The following PHLDB2 variants were observed in gnomAD, a reference collection of about 807,000 sequenced individuals.
The protein encoded by PHLDB2 is pleckstrin homology like domain family B member 2.
In PHLDB2, 71 loss-of-function variants were observed where a neutral mutation model predicts 123.6. The observed-to-expected ratio is 0.57, with a 90% CI of 0.47 to 0.70. The LOEUF (loss-of-function observed/expected upper bound fraction) is 0.70, where lower values mean the gene tolerates loss of function less well. Among genes scored for constraint, PHLDB2 ranks in the 30% least tolerant of loss-of-function variants. The pLI, the probability that PHLDB2 is intolerant of heterozygous loss-of-function variation, is 0.00. For missense variants in PHLDB2, 1,446 were observed against 1,519.5 expected, an observed-to-expected ratio of 0.95 and a Z score of 0.80; for synonymous variants, 547 against 541.6, an observed-to-expected ratio of 1.01 and a Z score of -0.14.
chr3:111,806,842 G>A (rs1315944854), intron 1 of PHLDB2, among the ~76,000 whole-genome samples: 2 of 151,248 alleles, frequency 1.3e-5, no homozygotes, highest in South Asian at 2.1e-4. Flanking sequence ...GTGTTGTCCA[G>A]GCTGGTCTTG....
At chr3:111,937,048 T>C (rs1326454817) in intron 6 of PHLDB2, among the ~76,000 whole-genome samples, 2 of 152,242 alleles carry the variant, frequency 1.3e-5, no homozygotes, top group Non-Finnish European at 2.9e-5. Context: ...ATTGAGCACA[T>C]ATTTTTTTGG....
chr3:111,971,713 A>G (rs1290568155), intron 16 of PHLDB2, among the ~76,000 whole-genome samples: 1 of 152,120 alleles, frequency 6.6e-6, no homozygotes, highest in Admixed American at 6.6e-5. Flanking sequence ...ATCGCAATTT[A>G]CGCTGTACTT....
At chr3:111,957,163 A>T (rs1387624628) in intron 12 of PHLDB2, 2 of 152,632 alleles carry the variant, frequency 1.3e-5, no homozygotes, top group Non-Finnish European at 2.9e-5. Context: ...GCTTTTGAAC[A>T]ACTTGTGAAC....
At chr3:111,817,020 C>G (rs1398978286) in intron 1 of PHLDB2, among the ~76,000 whole-genome samples, 5 of 152,208 alleles carry the variant, frequency 3.3e-5, no homozygotes, top group African/African-American at 1.2e-4. Context: ...CCATGCAAGA[C>G]ATGACATGCT....
chr3:111,815,303 G>C (rs7634323), intron 1 of PHLDB2, among the ~76,000 whole-genome samples: 49,934 of 152,020 alleles, frequency 0.33, 8,583 homozygotes, highest in East Asian at 0.42. Context: ...ATGGAAGTGA[G>C]TTTGGAATTG....
chr3:111,930,252 A>T (rs1426008091), intron 5 of PHLDB2, among the ~76,000 whole-genome samples: 1 of 152,020 alleles, frequency 6.6e-6, no homozygotes, highest in Admixed American at 6.6e-5. Flanking sequence ...CAAACATTTG[A>T]GAGCATCAGG....
intron 1 of PHLDB2, among the ~76,000 whole-genome samples, chr3:111,759,859 T>C (rs2059964192): frequency 1.3e-5 from 2 of 152,236 alleles, no homozygotes; most frequent in Admixed American, 1.3e-4. Context: ...TAGGCTATAA[T>C]TGGGTGACAA....
chr3:111,954,079 T>C, intron 12 of PHLDB2, 50 bp downstream of exon 12: 1 of 1,530,908 alleles, frequency 6.5e-7, no homozygotes, highest in South Asian at 1.2e-5. Flanking sequence ...AGCATTAGAA[T>C]TCTTCAGGGG....
chr3:111,832,403 A>G (rs1018199954), intron 1 of PHLDB2, among the ~76,000 whole-genome samples: 1 of 151,566 alleles, frequency 6.6e-6, no homozygotes, highest in Non-Finnish European at 1.5e-5. Context: ...AAAAACAAAA[A>G]GATAAATTGT....
chr3:111,936,802 T>C (rs1292984223), intron 6 of PHLDB2, among the ~76,000 whole-genome samples: 1 of 152,206 alleles, frequency 6.6e-6, no homozygotes, highest in African/African-American at 2.4e-5. Context: ...TTATTCCTTT[T>C]TTTTAAATCT....
intron 1 of PHLDB2, among the ~76,000 whole-genome samples, chr3:111,777,606 AT>A (rs1313018737): frequency 6.6e-6 from 1 of 152,076 alleles, no homozygotes; most frequent in Non-Finnish European, 1.5e-5. Flanking sequence ...TTCTGTGTTC[AT>A]CTTTATGTGA....
intron 11 of PHLDB2, among the ~76,000 whole-genome samples, chr3:111,953,220 T>C (rs1173270984): frequency 2.6e-5 from 4 of 152,174 alleles, no homozygotes; most frequent in Non-Finnish European, 5.9e-5. Context: ...AGCCCTCAGC[T>C]GGTATGTAGT....
intron 1 of PHLDB2, among the ~76,000 whole-genome samples, chr3:111,748,620 C>T (rs921905302): frequency 3.3e-5 from 5 of 152,036 alleles, no homozygotes; most frequent in African/African-American, 2.4e-5. Flanking sequence ...CTCCTGGGTT[C>T]GAGCGATTCT....
At chr3:111,849,267 C>T (rs994966173) in intron 2 of PHLDB2, among the ~76,000 whole-genome samples, 4 of 152,114 alleles carry the variant, frequency 2.6e-5, no homozygotes, top group Admixed American at 6.5e-5. Flanking sequence ...AATTCTTAGG[C>T]TCAAGTGATC....
At chr3:111,780,392 A>G (rs1001250305) in intron 1 of PHLDB2, among the ~76,000 whole-genome samples, 2 of 51,456 alleles carry the variant, frequency 3.9e-5, no homozygotes, top group Admixed American at 2.4e-4. Flanking sequence ...GAAGAAGAAG[A>G]AGAAGAAGAA....
intron 2 of PHLDB2, among the ~76,000 whole-genome samples, chr3:111,899,677 C>T (rs1316084479): frequency 6.6e-6 from 1 of 152,246 alleles, no homozygotes; most frequent in African/African-American, 2.4e-5. Context: ...CTCCTAAAAA[C>T]AGAGTCAACC....
chr3:111,971,635 C>T (rs1340959605), intron 16 of PHLDB2, among the ~76,000 whole-genome samples: 1 of 152,176 alleles, frequency 6.6e-6, no homozygotes, highest in Non-Finnish European at 1.5e-5. Flanking sequence ...TTGTCCACTC[C>T]TACCCCCACC....
intron 12 of PHLDB2, 101 bp from the exon 13 acceptor site, chr3:111,962,007 C>T: frequency 1.8e-6 from 2 of 1,112,208 alleles, no homozygotes; most frequent in East Asian, 4.9e-5. Context: ...GCCCAAGCTT[C>T]ATAGGCAGAT....
intron 1 of PHLDB2, among the ~76,000 whole-genome samples, chr3:111,826,627 T>G (rs1174302717): frequency 6.6e-6 from 1 of 152,176 alleles, no homozygotes; most frequent in Non-Finnish European, 1.5e-5. Flanking sequence ...GATGAAAGCA[T>G]GATAACAGTA....
Sources: gnomAD v4.1 joint callset for allele counts (sites outside exome capture counted in the v4.1 genomes callset) on GRCh38, gnomAD v4.1.1 for gene constraint, MANE v1.5 for transcripts, NCBI Gene and HGNC (gene_info 2026-07-23, HGNC 2026-07-21) for gene names.